The following ATP13A3 variants were observed in gnomAD, a reference collection of about 807,000 sequenced individuals.
ATP13A3 encodes polyamine-transporting ATPase 13A3.
In ATP13A3, 59 loss-of-function variants were observed where a neutral mutation model predicts 158.1. The observed-to-expected ratio is 0.37, with a 90% CI of 0.30 to 0.46. The LOEUF (loss-of-function observed/expected upper bound fraction) is 0.46. ATP13A3 is among the 20% of genes least tolerant of loss of function. The pLI, the probability that ATP13A3 is intolerant of heterozygous loss-of-function variation, is 1.00. For synonymous variants in ATP13A3, 491 were observed against 504.3 expected (o/e 0.97, Z 0.35); for missense variants, 1,166 against 1,525.2 (o/e 0.76, Z 3.92).
chr3:194,493,135 T>TAA (rs376023000), intron 2 of ATP13A3, among the ~76,000 whole-genome samples: 9 of 131,628 alleles, frequency 6.8e-5, no homozygotes, highest in Non-Finnish European at 1.3e-4. Context: ...TCTCAGCTCT[T>TAA]AAAAAAAAAA....
In ATP13A3 at chr3:194,410,320, A is replaced by AAAAAAAAAAAAC. The variant is rs1560066748; in HGVS notation, c.3573+1867_3573+1878dup. 1.1e-4 allele frequency among the ~76,000 whole-genome samples: 14 copies of AAAAAAAAAAAAC among 125,992 alleles called. 1 individual carries two copies. Among genetic ancestry groups the AAAAAAAAAAAAC allele is most frequent in the African/African-American group, 3.6e-4 (10 of 27,470 alleles). The allele number at this position is 125,992 out of a possible 152,430, so 82.7% of individuals were successfully genotyped here. A position where few individuals can be genotyped will look rare whatever the true frequency, so the allele number is the denominator to read the frequency against. ...GCAAAAAAAAAAAAAAAAAAAAAAA[A>AAAAAAAAAAAAC]AAAAAAAAAAACTGCTGGGCCTGGG... is the stretch of plus-strand genomic sequence containing the variant. On this transcript the variant is annotated intron_variant, in intron 33 of 33. Coordinates refer to ENST00000645319, the MANE Select transcript of ATP13A3 (RefSeq NM_001367549.1).
At chr3:194,461,756 A>G (rs1360023107) in intron 3 of ATP13A3, among the ~76,000 whole-genome samples, 1 of 152,230 alleles carries the variant, frequency 6.6e-6, no homozygotes, top group Non-Finnish European at 1.5e-5. Flanking sequence ...TCCCCCCAAC[A>G]AAAAGTAGAG....
In ATP13A3 at chr3:194,454,404, G is replaced by T. The variant is rs563618745; in HGVS notation, c.631-12C>A. 3 of 1,604,400 alleles carry T rather than the reference G, an allele frequency of 1.9e-6. No individual in the cohort carries two copies. The South Asian group carries it at 3.3e-5, about 18-fold the overall frequency. On this transcript the variant is annotated splice_polypyrimidine_tract_variant and intron_variant, in intron 8 of 33. Coordinates refer to ENST00000645319, the MANE Select transcript of ATP13A3 (RefSeq NM_001367549.1). ...AATGGGTTGAGAACCTAAAAAACAA[G>T]ATTTTAAAGTCAAACTGAATGAGGT...
chr3:194,444,375 T>A (rs76677869), intron 15 of ATP13A3, among the ~76,000 whole-genome samples: 4,357 of 152,278 alleles, frequency 0.029, 202 homozygotes, highest in African/African-American at 0.099. Flanking sequence ...TCAACATGGA[T>A]AAATCTTGAA....
intron 8 of ATP13A3, among the ~76,000 whole-genome samples, chr3:194,455,473 T>C (rs1336432583): frequency 6.6e-6 from 1 of 152,192 alleles, no homozygotes; most frequent in Non-Finnish European, 1.5e-5. Flanking sequence ...TAGTTACTGA[T>C]GGAACTACAT....
intron 2 of ATP13A3, among the ~76,000 whole-genome samples, chr3:194,492,753 G>A (rs949464443): frequency 3.9e-5 from 6 of 152,110 alleles, no homozygotes; most frequent in Admixed American, 6.6e-5. Flanking sequence ...ACCACAACCC[G>A]TGATCTATAC....
chr3:194,437,627 C>T, intron 17 of ATP13A3, 54 bp from the exon 18 acceptor site: 1 of 1,493,632 alleles, frequency 6.7e-7, no homozygotes. Flanking sequence ...TATTAACACA[C>T]TAAAGTTAGA....
chr3:194,438,378 T>G (rs1360968538), intron 17 of ATP13A3, among the ~76,000 whole-genome samples: 1 of 152,194 alleles, frequency 6.6e-6, no homozygotes, highest in Admixed American at 6.5e-5. Context: ...AAAATTCACC[T>G]AAAAGTAAAG....
chr3:194,407,737 C>T (rs79971093), intron 33 of ATP13A3, among the ~76,000 whole-genome samples: 1,638 of 152,128 alleles, frequency 0.011, 16 homozygotes, highest in East Asian at 0.046. Flanking sequence ...CGCCTAGTAG[C>T]CTTTTTACTG....
At chr3:194,492,375 T>G (rs1014000389) in intron 2 of ATP13A3, among the ~76,000 whole-genome samples, 1 of 152,150 alleles carries the variant, frequency 6.6e-6, no homozygotes, top group African/African-American at 2.4e-5. Context: ...AGAACCTCTG[T>G]GGATACCAAA....
At chr3:194,417,434 CACACACACACAA>C (rs1396552126) in intron 31 of ATP13A3, among the ~76,000 whole-genome samples, 2 of 150,176 alleles carry the variant, frequency 1.3e-5, no homozygotes, top group Admixed American at 1.3e-4. Flanking sequence ...CACACACACA[CACACACACACAA>C]AAGGAGGAAG....
chr3:194,493,508 G>A (rs1230897397), intron 2 of ATP13A3, among the ~76,000 whole-genome samples: 55 of 151,868 alleles, frequency 3.6e-4, no homozygotes, highest in African/African-American at 1.3e-3. Context: ...TTAGCCAGGT[G>A]TGATGTCAGG....
At chr3:194,460,079 G>A in intron 4 of ATP13A3, 108 bp from the exon 5 acceptor site, 2 of 899,184 alleles carry the variant, frequency 2.2e-6, no homozygotes, top group Non-Finnish European at 3.3e-6. Context: ...ATCTCTAATT[G>A]AGGAAACATC....
At chr3:194,454,513 T>C in intron 8 of ATP13A3, 121 bp from the exon 9 acceptor site, 2 of 1,108,928 alleles carry the variant, frequency 1.8e-6, no homozygotes, top group Non-Finnish European at 2.6e-6. Flanking sequence ...CATAGTATTC[T>C]ACGGCAAAAT....
chr3:194,472,899 A>C (rs1220181664), intron 2 of ATP13A3, among the ~76,000 whole-genome samples: 1 of 152,226 alleles, frequency 6.6e-6, no homozygotes, highest in Non-Finnish European at 1.5e-5. Context: ...TTAATGCAGA[A>C]ACAGAAAACC....
intron 2 of ATP13A3, among the ~76,000 whole-genome samples, chr3:194,478,459 G>T (rs1333360703): frequency 6.6e-6 from 1 of 151,942 alleles, no homozygotes; most frequent in African/African-American, 2.4e-5. Context: ...AAAATGTTAG[G>T]GAGAAAATAG....
chr3:194,446,629 A>AT (rs1004986116), intron 14 of ATP13A3, among the ~76,000 whole-genome samples: 6 of 152,104 alleles, frequency 3.9e-5, no homozygotes, highest in African/African-American at 1.4e-4. Context: ...AAGTTTGGTG[A>AT]TTTTTTGTGA....
chr3:194,462,289 C>T (rs1336682606), intron 2 of ATP13A3, 53 bp from the exon 3 acceptor site: 23 of 1,172,962 alleles, frequency 2.0e-5, no homozygotes, highest in Admixed American at 7.6e-5. Flanking sequence ...TCTTAGTAGA[C>T]GATACAACTG....
At chr3:194,453,392 A>T (rs1445877373) in intron 10 of ATP13A3, among the ~76,000 whole-genome samples, 2 of 151,458 alleles carry the variant, frequency 1.3e-5, no homozygotes, top group Non-Finnish European at 2.9e-5. Context: ...CAGAAGTCTG[A>T]GACCAGACTG....
Sources: gnomAD v4.1 joint callset for allele counts (sites outside exome capture counted in the v4.1 genomes callset) on GRCh38, gnomAD v4.1.1 for gene constraint, MANE v1.5 for transcripts, NCBI Gene and HGNC (gene_info 2026-07-23, HGNC 2026-07-21) for gene names.